SNX13: variants seen among roughly 807,000 people sequenced by gnomAD.
The protein encoded by SNX13 is sorting nexin-13.
Under a neutral mutation model 133.6 loss-of-function variants are expected in SNX13, and 45 were observed. The ratio of observed to expected loss-of-function variants is 0.34; its 90% CI spans 0.27 to 0.43. The LOEUF (loss-of-function observed/expected upper bound fraction) is 0.43, where lower values mean the gene tolerates loss of function less well. Among genes scored for constraint, SNX13 ranks in the 20% least tolerant of loss-of-function variants. SNX13 has a pLI of 1.00. For missense variants in SNX13, 1,032 were observed against 1,145.1 expected (o/e 0.90, Z 1.43); for synonymous variants, 414 against 373.9 (o/e 1.11, Z -1.24).
At chr7:17,805,250 T>TGTGTGTGTGTGTGCGCGCGCGCGCGCGC in intron 20 of SNX13, among the ~76,000 whole-genome samples, 4 of 95,560 alleles carry the variant, frequency 4.2e-5, no homozygotes, top group Admixed American at 1.2e-4. Context: ...TGTGTGTGTG[T>TGTGTGTGTGTGTGCGCGCGCGCGCGCGC]GCGTGCGCGC....
rs775727509 is a variant in SNX13 at position 17,803,382 on chromosome 7, T to C, written c.2226+37A>G. 3.0e-5 allele frequency: 47 copies of C among 1,549,236 alleles called. No homozygotes were observed. In the Admixed American group the frequency reaches 5.0e-4, roughly 16 times the overall value. ...TCAATACATCTTATTGACTTAAAAA[T>C]AGTTTGCTTTAGACATTACTGAAAA... On this transcript the variant is annotated intron_variant, in intron 21 of 25. Coordinates refer to ENST00000428135, the MANE Select transcript of SNX13 (RefSeq NM_015132.5).
In SNX13 at chr7:17,825,956, G is replaced by C. The variant is rs1787864478; in HGVS notation, c.1705+66C>G. 5 of 1,187,854 alleles carry C rather than the reference G, an allele frequency of 4.2e-6. No individual in the cohort carries two copies. In the South Asian group the frequency reaches 6.9e-5, roughly 16 times the overall value. The allele number at this position is 1,187,854 out of a possible 1,614,324, so 73.6% of individuals were successfully genotyped here. ...AAATGGTTAGTAAAAATTAAGTGTGGAAAATTATTTAGGGATATAATAATA... is the reference window on the plus strand; with the variant it reads ...AAATGGTTAGTAAAAATTAAGTGTGCAAAATTATTTAGGGATATAATAATA... On this transcript the variant is annotated intron_variant, in intron 17 of 25. Coordinates refer to ENST00000428135, the MANE Select transcript of SNX13 (RefSeq NM_015132.5).
rs774444673 is a variant in SNX13 at position 17,875,655 on chromosome 7, A to G, written c.562+14T>C. The G allele has an allele frequency of 1.2e-6, 2 of 1,608,468 alleles. No individual in the cohort carries two copies. The highest frequency in any genetic ancestry group is 1.7e-6 in the Non-Finnish European group (2 of 1,177,334). ...TTTTCAAATCCTAGTTTTCAAATGGAATAAAGATATTACCTTTCACTTGAT... is the reference window on the plus strand; with the variant it reads ...TTTTCAAATCCTAGTTTTCAAATGGGATAAAGATATTACCTTTCACTTGAT... On this transcript the variant is annotated intron_variant, in intron 6 of 25. Transcript: ENST00000428135.
chr7:17,835,289 T>C (rs189998770), intron 13 of SNX13, among the ~76,000 whole-genome samples: 1 of 152,074 alleles, frequency 6.6e-6, no homozygotes, highest in Admixed American at 6.6e-5. Context: ...GTACTAGATG[T>C]GTATTAATAT....
intron 1 of SNX13, among the ~76,000 whole-genome samples, chr7:17,908,973 A>C (rs1284485482): frequency 6.6e-6 from 1 of 152,156 alleles, no homozygotes; most frequent in Non-Finnish European, 1.5e-5. Flanking sequence ...AGAATAACTG[A>C]TAAAGAGACC....
chr7:17,814,953 A>C lies in SNX13; in HGVS notation c.1954-9T>G. ...TCAGGAGCTAACAGTAACTAACAAGAAAAAAAAAAAAAAGAAGAGATTATC... is the reference window on the plus strand; with the variant it reads ...TCAGGAGCTAACAGTAACTAACAAGCAAAAAAAAAAAAAGAAGAGATTATC... On this transcript the variant is annotated splice_polypyrimidine_tract_variant and intron_variant, in intron 19 of 25. Coordinates refer to ENST00000428135, the MANE Select transcript of SNX13 (RefSeq NM_015132.5). The C allele has an allele frequency of 1.7e-6, 1 of 573,660 alleles. No individual in the cohort carries two copies. Among genetic ancestry groups the C allele is most frequent in the Admixed American group, 1.2e-4 (1 of 8,272 alleles). 35.5% of individuals were successfully genotyped at this position (573,660 alleles called of 1,614,324 possible). A position where few individuals can be genotyped will look rare whatever the true frequency, so the allele number is the denominator to read the frequency against.
chr7:17,854,564 C>G (rs1791659485), intron 9 of SNX13, among the ~76,000 whole-genome samples: 1 of 152,128 alleles, frequency 6.6e-6, no homozygotes, highest in African/African-American at 2.4e-5. Flanking sequence ...TGTGCATAGT[C>G]ACATTTTAAT....
chr7:17,893,249 T>C, intron 3 of SNX13, 83 bp downstream of exon 3: 1 of 873,000 alleles, frequency 1.1e-6, no homozygotes, highest in Non-Finnish European at 1.8e-6. Context: ...CGAAAATTTG[T>C]CACGCTATAT....
chr7:17,928,008 A>G (rs138909284), intron 1 of SNX13, among the ~76,000 whole-genome samples: 4 of 152,212 alleles, frequency 2.6e-5, no homozygotes, highest in South Asian at 4.1e-4. Flanking sequence ...ACAGGACTAC[A>G]ATACAATAAA....
chr7:17,891,534 G>A lies in SNX13; in HGVS notation c.318+12C>T, dbSNP rs755871643. 1.3e-5 allele frequency: 21 copies of A among 1,596,440 alleles called. No homozygotes were observed. Among genetic ancestry groups the A allele is most frequent in the Admixed American group, 1.7e-5 (1 of 59,750 alleles). On this transcript the variant is annotated intron_variant, in intron 4 of 25. Transcript: ENST00000428135. ...AATATATAGAATTCAAATACCACAC[G>A]CTGAAACTCACTTGCTGGAGAGGTT...
chr7:17,797,099 C>G (rs1302985589), intron 24 of SNX13, among the ~76,000 whole-genome samples, 160 bp from the exon 25 acceptor site: 2 of 151,662 alleles, frequency 1.3e-5, no homozygotes, highest in Non-Finnish European at 3.0e-5. Context: ...GAAAGATCAA[C>G]TAAGTGTAGG....
At chr7:17,873,439 A>T in intron 8 of SNX13, 89 bp downstream of exon 8, 1 of 526,054 alleles carries the variant, frequency 1.9e-6, no homozygotes, top group Non-Finnish European at 2.9e-6. Flanking sequence ...ATAATTTTTA[A>T]GAGTGTAACA....
intron 1 of SNX13, among the ~76,000 whole-genome samples, chr7:17,923,393 G>T (rs1800350923): frequency 6.6e-6 from 1 of 152,148 alleles, no homozygotes; most frequent in Non-Finnish European, 1.5e-5. Context: ...ACCCCTCAAT[G>T]AGAAAAGGTG....
chr7:17,891,232 T>C (rs1401802933), intron 4 of SNX13, among the ~76,000 whole-genome samples: 1 of 152,042 alleles, frequency 6.6e-6, no homozygotes, highest in Non-Finnish European at 1.5e-5. Context: ...AAAGTCTGAT[T>C]TACCACACCA....
chr7:17,856,795 A>G (rs1437307695), intron 9 of SNX13, among the ~76,000 whole-genome samples: 1 of 150,494 alleles, frequency 6.6e-6, no homozygotes, highest in African/African-American at 2.4e-5. Flanking sequence ...TAAAAAAAAA[A>G]AAAAAAAAGA....
chr7:17,850,152 A>C (rs941444506), intron 11 of SNX13, among the ~76,000 whole-genome samples, 195 bp downstream of exon 11: 4 of 152,242 alleles, frequency 2.6e-5, no homozygotes, highest in African/African-American at 7.2e-5. Flanking sequence ...ATTTTTCAGG[A>C]AGCATTTTAG....
intron 3 of SNX13, among the ~76,000 whole-genome samples, chr7:17,892,634 T>C (rs1261930435): frequency 1.3e-5 from 2 of 152,096 alleles, no homozygotes; most frequent in African/African-American, 2.4e-5. Flanking sequence ...CTTTTATTAA[T>C]GTAAAATAAT....
chr7:17,842,402 T>A (rs991696175), intron 12 of SNX13, among the ~76,000 whole-genome samples: 1 of 151,990 alleles, frequency 6.6e-6, no homozygotes, highest in Non-Finnish European at 1.5e-5. Context: ...GATTCCCAGA[T>A]AAACAAAAGC....
intron 5 of SNX13, 68 bp from the exon 6 acceptor site, chr7:17,875,858 A>T: frequency 7.9e-7 from 1 of 1,273,044 alleles, no homozygotes; most frequent in Non-Finnish European, 1.1e-6. Context: ...ATTCATTTTA[A>T]TGACTACTGA....
Sources: gnomAD v4.1 joint callset for allele counts (sites outside exome capture counted in the v4.1 genomes callset) on GRCh38, gnomAD v4.1.1 for gene constraint, MANE v1.5 for transcripts, NCBI Gene and HGNC (gene_info 2026-07-23, HGNC 2026-07-21) for gene names.